Variants in PEX39 observed in about 807,000 individuals in gnomAD.
PEX39 encodes the protein peroxisomal biogenesis factor 39, also known as peroxin-39.
At chr6:42,890,578 G>C in the PEX39 span, 1 of 1,610,460 alleles carries the variant, frequency 6.2e-7, no homozygotes, top group East Asian at 2.2e-5. Flanking sequence ...GTCGGAGGGG[G>C]AAGGGACTCA....
the PEX39 span, chr6:42,890,554 T>C: frequency 2.5e-6 from 4 of 1,602,628 alleles, no homozygotes; most frequent in African/African-American, 1.3e-5. Context: ...GCCGGGGCCG[T>C]TCCTATCCTG....
At chr6:42,890,447 C>T in the PEX39 span, 3 of 1,491,494 alleles carry the variant, frequency 2.0e-6, no homozygotes, top group Non-Finnish European at 2.7e-6. Flanking sequence ...CCTGTAGCCA[C>T]GCCCTCCAGA....
the PEX39 span, chr6:42,890,513 C>T: frequency 2.6e-6 from 4 of 1,554,846 alleles, no homozygotes; most frequent in East Asian, 2.3e-5. Context: ...ATGAAGAAGG[C>T]GCAGTCGCTG....
chr6:42,890,518 T>G, the PEX39 span: 3 of 1,560,932 alleles, frequency 1.9e-6, no homozygotes, highest in Non-Finnish European at 2.6e-6. Context: ...GAAGGCGCAG[T>G]CGCTGCCTCA....
At chr6:42,890,407 A>G in the PEX39 span, 1 of 1,399,788 alleles carries the variant, frequency 7.1e-7, no homozygotes, top group Non-Finnish European at 9.5e-7. Context: ...CGAAAGCATA[A>G]AAGATGAGTA....
At chr6:42,890,424 T>A in the PEX39 span, 1 of 1,457,058 alleles carries the variant, frequency 6.9e-7, no homozygotes, top group East Asian at 2.4e-5. Context: ...AGTAACTGAA[T>A]GGCATCCCGG....
the PEX39 span, chr6:42,890,669 G>C: frequency 2.5e-6 from 4 of 1,612,866 alleles, no homozygotes; most frequent in South Asian, 1.1e-5. Flanking sequence ...CCGCGATGTG[G>C]CGTTTCTCCA....
the PEX39 span, chr6:42,890,791 C>T: frequency 6.4e-7 from 1 of 1,566,044 alleles, no homozygotes; most frequent in East Asian, 2.3e-5. Flanking sequence ...CGCTCCATGT[C>T]GGGTCGCGAA....
At chr6:42,890,808 C>G in the PEX39 span, 1 of 1,554,450 alleles carries the variant, frequency 6.4e-7, no homozygotes, top group South Asian at 1.2e-5. Flanking sequence ...CGAATCCTGA[C>G]CGGCGTGTAA....
chr6:42,890,380 G>GT, the PEX39 span: 1 of 1,172,890 alleles, frequency 8.5e-7, no homozygotes, highest in Non-Finnish European at 1.2e-6. Flanking sequence ...AGCAAGTCTA[G>GT]TTGAGACAGG....
At chr6:42,890,680 G>C in the PEX39 span, 655 of 1,612,858 alleles carry the variant, frequency 4.1e-4, 7 homozygotes, top group South Asian at 5.7e-3. Context: ...CGTTTCTCCA[G>C]GCCCGGGAGT....
chr6:42,890,662 C>T, the PEX39 span: 24 of 1,612,822 alleles, frequency 1.5e-5, no homozygotes, highest in Non-Finnish European at 2.0e-5. Flanking sequence ...TGGATCGCCG[C>T]GATGTGGCGT....
At chr6:42,890,754 G>T in the PEX39 span, 16 of 1,604,642 alleles carry the variant, frequency 1.0e-5, no homozygotes, top group East Asian at 2.2e-5. Flanking sequence ...GGCAGAGGCC[G>T]GGGCCGAGCA....
the PEX39 span, chr6:42,890,712 T>G: frequency 1.2e-6 from 2 of 1,611,410 alleles, no homozygotes; most frequent in Admixed American, 3.3e-5. Context: ...CTGGACCAGC[T>G]GCAGGAGCTG....
chr6:42,890,313 T>C, the PEX39 span: 5 of 501,958 alleles, frequency 1.0e-5, no homozygotes, highest in Non-Finnish European at 1.7e-5. Flanking sequence ...ACAGGATTTT[T>C]CTTAACTGTA....
At chr6:42,890,383 G>T in the PEX39 span, 6 of 1,192,134 alleles carry the variant, frequency 5.0e-6, no homozygotes, top group South Asian at 3.9e-5. Flanking sequence ...AAGTCTAGTT[G>T]AGACAGGTCA....
chr6:42,890,491 C>T, the PEX39 span: 50 of 1,525,026 alleles, frequency 3.3e-5, no homozygotes, highest in Middle Eastern at 3.5e-4. Flanking sequence ...CCTCAGGGGC[C>T]CACTGTATGC....
At chr6:42,890,650 C>T in the PEX39 span, 137 of 1,612,642 alleles carry the variant, frequency 8.5e-5, no homozygotes, top group Non-Finnish European at 1.1e-4. Flanking sequence ...GTGGGTTCGC[C>T]GTGGATCGCC....
At chr6:42,890,581 G>A in the PEX39 span, 3 of 1,610,388 alleles carry the variant, frequency 1.9e-6, no homozygotes, top group South Asian at 2.2e-5. Context: ...GGAGGGGGAA[G>A]GGACTCAGCC....
Sources: gnomAD v4.1 joint callset for allele counts on GRCh38, gnomAD v4.1.1 for gene constraint, MANE v1.5 for transcripts, NCBI Gene and HGNC (gene_info 2026-07-23, HGNC 2026-07-21) for gene names.